Variants in PKP4 observed in about 807,000 individuals in gnomAD.
PKP4 encodes plakophilin 4, also known as plakophilin-4.
In PKP4, 90 loss-of-function variants were observed where a neutral mutation model predicts 145.1. That is an observed-to-expected ratio of 0.62 (90% confidence interval 0.52 to 0.74). PKP4 has a LOEUF of 0.74. Ranked by LOEUF, PKP4 falls within the 30% of genes least tolerant of loss-of-function variation. The probability of loss-of-function intolerance (pLI) is 0.00; values close to 1 mark genes in which losing one functional copy is unlikely to be tolerated. For synonymous variants in PKP4, 563 were observed against 577.2 expected, an observed-to-expected ratio of 0.98 and a Z score of 0.35; for missense variants, 1,340 against 1,482.7, an observed-to-expected ratio of 0.90 and a Z score of 1.58.
chr2:158,488,944 T>G (rs1306806836), intron 1 of PKP4, among the ~76,000 whole-genome samples: 1 of 152,188 alleles, frequency 6.6e-6, no homozygotes, highest in Non-Finnish European at 1.5e-5. Context: ...TCAAAAGATG[T>G]GTCTTCATTT....
In PKP4 at chr2:158,625,018, G is replaced by A. The variant is rs79534754; in HGVS notation, c.744G>A (p.Pro248=). 1,352 of 1,614,102 alleles carry A rather than the reference G, an allele frequency of 8.4e-4. 5 individuals are homozygous for A. The African/African-American group carries it at 0.015, about 18-fold the overall frequency. ...CTCTGGGTAGTGGATTTGGCTCTCC[G>A]TCAGTGACCGACCCCCGACCTCTGA... ...RTSLGSGFGS[P]SVTDPRPLNP... Residue 248 remains proline, a synonymous_variant, in exon 7 of 22, where the codon CCG becomes CCA. Coordinates refer to ENST00000389759, the MANE Select transcript of PKP4 (RefSeq NM_003628.6).
intron 2 of PKP4, among the ~76,000 whole-genome samples, chr2:158,550,119 A>G (rs1425762295): frequency 9.3e-6 from 1 of 107,338 alleles, no homozygotes; most frequent in Non-Finnish European, 2.6e-5. Flanking sequence ...TCTCAGAATA[A>G]AACATTACTT....
At chr2:158,654,761 G>A (rs182531616) in intron 11 of PKP4, among the ~76,000 whole-genome samples, 85 of 152,184 alleles carry the variant, frequency 5.6e-4, no homozygotes, top group African/African-American at 1.9e-3. Context: ...AGGCACAAAG[G>A]GGAGGTAATA....
intron 2 of PKP4, among the ~76,000 whole-genome samples, chr2:158,541,710 A>T (rs1486692487): frequency 1.3e-5 from 2 of 152,156 alleles, no homozygotes; most frequent in East Asian, 3.8e-4. Flanking sequence ...TTGGAGTTCA[A>T]AGCATTTCAA....
At chr2:158,515,606 A>G (rs887351965) in intron 1 of PKP4, among the ~76,000 whole-genome samples, 1 of 152,372 alleles carries the variant, frequency 6.6e-6, no homozygotes, top group African/African-American at 2.4e-5. Context: ...ATAGATAAAC[A>G]TCATTGGAAA....
intron 3 of PKP4, among the ~76,000 whole-genome samples, chr2:158,581,613 T>C (rs1031705548): frequency 1.3e-5 from 2 of 152,204 alleles, no homozygotes; most frequent in Admixed American, 1.3e-4. Flanking sequence ...GGAATCCTCT[T>C]CCCCGAATGG....
chr2:158,676,205 G>A (rs2057995077), intron 19 of PKP4, among the ~76,000 whole-genome samples: 2 of 152,042 alleles, frequency 1.3e-5, no homozygotes, highest in Admixed American at 1.3e-4. Context: ...TTATAGAATG[G>A]GTGCTTTTAT....
intron 3 of PKP4, among the ~76,000 whole-genome samples, chr2:158,602,249 T>TCCAC (rs1200040033): frequency 2.0e-5 from 3 of 152,308 alleles, no homozygotes; most frequent in African/African-American, 7.2e-5. Flanking sequence ...GAGTCCTGGG[T>TCCAC]GTGGTTCCAG....
intron 6 of PKP4, among the ~76,000 whole-genome samples, chr2:158,623,922 C>T (rs2052509008): frequency 1.3e-5 from 2 of 152,202 alleles, no homozygotes; most frequent in African/African-American, 2.4e-5. Context: ...TCCAGCCTAA[C>T]CATTCCTTTT....
intron 1 of PKP4, among the ~76,000 whole-genome samples, chr2:158,470,172 T>G (rs562958036): frequency 1.3e-5 from 2 of 152,122 alleles, no homozygotes; most frequent in East Asian, 1.9e-4. Context: ...TCCTAACATA[T>G]AGTAAGCAAC....
At chr2:158,529,174 C>T (rs1477396175) in intron 1 of PKP4, among the ~76,000 whole-genome samples, 5 of 152,156 alleles carry the variant, frequency 3.3e-5, no homozygotes, top group South Asian at 2.1e-4. Context: ...GAAAGGCCTC[C>T]GTTATTGCTC....
Position 158,552,680 on chromosome 2 carries a change from C to T in PKP4, c.132+19364C>T, listed in dbSNP as rs115053895. ...TGATACTGGTTCAGTACTAGACCAC[C>T]GCAATAAAGCTAATATTCCAATAAA... On this transcript the variant is annotated intron_variant, in intron 2 of 21. Transcript: ENST00000389759. 3.4e-3 allele frequency among the ~76,000 whole-genome samples: 510 copies of T among 152,110 alleles called. 4 individuals carry two copies. Among genetic ancestry groups the T allele is most frequent in the African/African-American group, 0.012 (487 of 41,484 alleles).
chr2:158,504,763 AG>A (rs1249588135), intron 1 of PKP4, among the ~76,000 whole-genome samples: 1 of 152,242 alleles, frequency 6.6e-6, no homozygotes, highest in African/African-American at 2.4e-5. Context: ...GCAAATTCAC[AG>A]GAATTTCCAA....
intron 19 of PKP4, among the ~76,000 whole-genome samples, chr2:158,674,218 C>T (rs1452277686): frequency 1.3e-5 from 2 of 152,192 alleles, no homozygotes; most frequent in Admixed American, 6.5e-5. Context: ...AACAGCGCCC[C>T]AGGCCCTGCC....
intron 7 of PKP4, among the ~76,000 whole-genome samples, chr2:158,627,137 G>A (rs1057306434): frequency 1.3e-5 from 2 of 152,174 alleles, no homozygotes; most frequent in African/African-American, 4.8e-5. Context: ...TATCCAAGAA[G>A]TGTGCTTGAC....
intron 2 of PKP4, among the ~76,000 whole-genome samples, chr2:158,553,236 C>CA (rs775543036): frequency 1.3e-5 from 2 of 152,036 alleles, no homozygotes; most frequent in Non-Finnish European, 2.9e-5. Flanking sequence ...ATCCAGGTTG[C>CA]AAAAAATGGT....
intron 1 of PKP4, among the ~76,000 whole-genome samples, chr2:158,459,836 G>A (rs1184773234): frequency 6.6e-6 from 1 of 152,052 alleles, no homozygotes; most frequent in Non-Finnish European, 1.5e-5. Flanking sequence ...ACGATTGGCT[G>A]TGCAGATAGT....
At chr2:158,490,678 G>T (rs537437315) in intron 1 of PKP4, among the ~76,000 whole-genome samples, 9 of 152,300 alleles carry the variant, frequency 5.9e-5, no homozygotes, top group Admixed American at 2.6e-4. Context: ...GATTTAATCT[G>T]TCTTAAGGAG....
chr2:158,667,410 C>T (rs924582860), intron 16 of PKP4, among the ~76,000 whole-genome samples: 3 of 152,144 alleles, frequency 2.0e-5, no homozygotes, highest in East Asian at 1.9e-4. Context: ...GCCTGCTGTC[C>T]TAACTGGGTT....
Sources: gnomAD v4.1 joint callset for allele counts (sites outside exome capture counted in the v4.1 genomes callset) on GRCh38, gnomAD v4.1.1 for gene constraint, MANE v1.5 for transcripts, NCBI Gene and HGNC (gene_info 2026-07-23, HGNC 2026-07-21) for gene names.